Variants in CDCP1 observed in about 807,000 individuals in gnomAD.
CDCP1 encodes CUB domain containing protein 1, also known as CUB domain-containing protein 1.
Under a neutral mutation model 60.2 loss-of-function variants are expected in CDCP1, and 29 were observed. The ratio of observed to expected loss-of-function variants is 0.48; its 90% CI spans 0.36 to 0.66. The LOEUF is 0.66. Ranked by LOEUF, CDCP1 falls within the 30% of genes least tolerant of loss-of-function variation. CDCP1 has a pLI of 0.00. For synonymous variants in CDCP1, 387 were observed against 431.1 expected (o/e 0.90, Z 1.27); for missense variants, 876 against 1,074.3 (o/e 0.82, Z 2.58).
chr3:45,141,389 T>A (rs1429617084), intron 1 of CDCP1, among the ~76,000 whole-genome samples: 3 of 152,264 alleles, frequency 2.0e-5, no homozygotes, highest in Non-Finnish European at 4.4e-5. Context: ...TACACAGGTA[T>A]CTTCCTGTTT....
chr3:45,118,661 A>G (rs776359602), intron 1 of CDCP1, 40 bp from the exon 2 acceptor site: 10 of 1,567,428 alleles, frequency 6.4e-6, no homozygotes, highest in Non-Finnish European at 7.0e-6. Context: ...AGGATGATTT[A>G]GGTCTGCAAA....
chr3:45,106,286 C>A lies in CDCP1; in HGVS notation c.1024+4187G>T, dbSNP rs146199873. Among the ~76,000 whole-genome samples the A allele has an allele frequency of 7.8e-3, 1,186 of 152,296 alleles. 18 individuals are homozygous for A. Among genetic ancestry groups the A allele is most frequent in the African/African-American group, 0.027 (1,104 of 41,566 alleles). On this transcript the variant is annotated intron_variant, in intron 4 of 8. Transcript: ENST00000296129. The stretch of plus-strand genomic sequence containing the variant: ...TTGGGCTGGCTGGTGCCTCTCACAG[C>A]TTTCTCCACCCCTGCTGAGGCTCTG...
At chr3:45,142,041 C>T (rs943267934) in intron 1 of CDCP1, among the ~76,000 whole-genome samples, 2 of 152,072 alleles carry the variant, frequency 1.3e-5, no homozygotes, top group Non-Finnish European at 2.9e-5. Context: ...CCATGTTGGC[C>T]GGGCTGGTCT....
chr3:45,085,527 G>T lies in CDCP1; in HGVS notation c.*111C>A. 8.7e-7 allele frequency: 1 copy of T among 1,153,010 alleles called. No homozygotes were observed. The highest frequency in any genetic ancestry group is 1.2e-6 in the Non-Finnish European group (1 of 804,634). The allele number at this position is 1,153,010 out of a possible 1,614,324, so 71.4% of individuals were successfully genotyped here. On this transcript the variant is annotated 3_prime_UTR_variant, in exon 9 of 9. Coordinates refer to ENST00000296129, the MANE Select transcript of CDCP1 (RefSeq NM_022842.5). The surrounding 1 kb of genome is among the most constrained non-coding windows in gnomAD (Gnocchi z 4.2). ...TTGGCGGTGTCCAGGAAAACCTCCT[G>T]CTGTTCCTTCTGTATAATTCCTCTT...
chr3:45,099,246 C>A (rs1172124970), intron 4 of CDCP1, among the ~76,000 whole-genome samples: 1 of 151,528 alleles, frequency 6.6e-6, no homozygotes, highest in African/African-American at 2.4e-5. Flanking sequence ...TGTCTTTATT[C>A]CACCTTCACA....
intron 1 of CDCP1, among the ~76,000 whole-genome samples, chr3:45,119,317 G>T (rs1286856440): frequency 1.3e-5 from 2 of 152,182 alleles, no homozygotes; most frequent in Non-Finnish European, 2.9e-5. Context: ...TCAGAGTAGG[G>T]CTCTGGTTCA....
chr3:45,087,932 G>T (rs1381292065), intron 8 of CDCP1, among the ~76,000 whole-genome samples: 1 of 152,004 alleles, frequency 6.6e-6, no homozygotes, highest in Non-Finnish European at 1.5e-5. Flanking sequence ...TGAGGCAGGG[G>T]AATCGCTTGA....
chr3:45,089,079 G>C lies in CDCP1; in HGVS notation c.2056C>G (p.Leu686Val), dbSNP rs202099488. 20 of 1,614,008 alleles carry C rather than the reference G, an allele frequency of 1.2e-5. No individual in the cohort carries two copies. Among genetic ancestry groups the C allele is most frequent in the Non-Finnish European group, 1.4e-5 (17 of 1,179,932 alleles). ...GGVLLLSALG[L>V]IICCVKKKKK... ...TTCTTTTTCACACAGCAAATGATGA[G>C]CCCGAGGGCAGACAGCAGTAAGACT... Residue 686 changes from leucine to valine, a missense_variant, in exon 8 of 9, where the codon CTC becomes GTC. Transcript: ENST00000296129.
intron 3 of CDCP1, among the ~76,000 whole-genome samples, chr3:45,111,559 C>T (rs35605067): frequency 0.051 from 7,738 of 152,188 alleles, 486 homozygotes; most frequent in African/African-American, 0.15. Flanking sequence ...GACTATAGTC[C>T]CAGCTACTTG....
chr3:45,093,256 G>A (rs774990899), intron 6 of CDCP1, 21 bp downstream of exon 6: 2 of 1,607,308 alleles, frequency 1.2e-6, no homozygotes, highest in Non-Finnish European at 8.5e-7. Flanking sequence ...GGGGCATGGA[G>A]ATAGGGGAGA....
intron 5 of CDCP1, 114 bp downstream of exon 5, chr3:45,095,233 C>T (rs918457215): frequency 2.1e-5 from 20 of 943,832 alleles, no homozygotes; most frequent in Non-Finnish European, 3.2e-5. Context: ...CGTGCCCGGC[C>T]AGATGGGCCT....
At chr3:45,145,226 G>A (rs530690277) in intron 1 of CDCP1, among the ~76,000 whole-genome samples, 25 of 152,036 alleles carry the variant, frequency 1.6e-4, no homozygotes, top group African/African-American at 5.6e-4. Flanking sequence ...ATTTACACCT[G>A]CCAAACACAA....
At chr3:45,107,699 A>G (rs1017502797) in intron 4 of CDCP1, among the ~76,000 whole-genome samples, 1 of 152,188 alleles carries the variant, frequency 6.6e-6, no homozygotes, top group Non-Finnish European at 1.5e-5. Flanking sequence ...TGACTTGCCC[A>G]TGGTCAAAGT....
intron 4 of CDCP1, among the ~76,000 whole-genome samples, chr3:45,106,113 C>A (rs79278323): frequency 0.056 from 8,487 of 152,242 alleles, 377 homozygotes; most frequent in African/African-American, 0.12. Flanking sequence ...TAGTTTGAAC[C>A]TACCTGATGT....
chr3:45,121,714 C>T (rs1055364834), intron 1 of CDCP1, among the ~76,000 whole-genome samples: 8 of 152,216 alleles, frequency 5.3e-5, no homozygotes, highest in Middle Eastern at 3.4e-3. Flanking sequence ...CAAAGCAGAC[C>T]GTGCAGGGTG....
At chr3:45,121,698 A>AG (rs1023623628) in intron 1 of CDCP1, among the ~76,000 whole-genome samples, 5 of 152,170 alleles carry the variant, frequency 3.3e-5, no homozygotes, top group Admixed American at 3.3e-4. Flanking sequence ...ATGGAGTACC[A>AG]GGGGGCAAAG....
At chr3:45,134,850 T>C (rs545384068) in intron 1 of CDCP1, among the ~76,000 whole-genome samples, 22 of 152,252 alleles carry the variant, frequency 1.4e-4, no homozygotes, top group Admixed American at 1.2e-3. Context: ...GGAGGTATTA[T>C]GTCAATGAGG....
rs1307746005 is a variant in CDCP1, at chr3:45,093,573, T to A, written c.1331A>T (p.His444Leu). The A allele has an allele frequency of 6.2e-7, 1 of 1,614,218 alleles. No homozygotes were observed. Among genetic ancestry groups the A allele is most frequent in the East Asian group, 2.2e-5 (1 of 44,882 alleles). The change falls in exon 6 of 9, where the codon CAT becomes CTT. Residue 444 changes from histidine to leucine, a missense_variant. By Grantham distance (99) the His-to-Leu change is moderately conservative (BLOSUM62 -3). Coordinates refer to ENST00000296129, the MANE Select transcript of CDCP1 (RefSeq NM_022842.5). ...CACCAGCAGCTTCCAGGAGAAGTCA[T>A]GCAGCTCCACAGGCAGGTGGAGGAT... is the stretch of plus-strand genomic sequence containing the variant. ...SDILHLPVEL[H>L]DFSWKLLVPK... is the part of the protein sequence containing the mutation.
chr3:45,107,141 T>C (rs2125995255), intron 4 of CDCP1, among the ~76,000 whole-genome samples: 1 of 152,238 alleles, frequency 6.6e-6, no homozygotes, highest in South Asian at 2.1e-4. Context: ...TGCTGCATCC[T>C]ACCAATCATT....
Sources: gnomAD v4.1 joint callset for allele counts (sites outside exome capture counted in the v4.1 genomes callset) on GRCh38, gnomAD v4.1.1 for gene constraint, Gnocchi (gnomAD v3.1) non-coding constraint, MANE v1.5 for transcripts, NCBI Gene and HGNC (gene_info 2026-07-23, HGNC 2026-07-21) for gene names.